The following STEAP1B variants were observed in gnomAD, a reference collection of about 807,000 sequenced individuals.
The protein encoded by STEAP1B is STEAP family protein MGC87042.
STEAP1B carries 13 observed loss-of-function variants against 27.9 expected under a neutral mutation model. The observed-to-expected ratio is 0.47, with a 90% CI of 0.30 to 0.74. The LOEUF (loss-of-function observed/expected upper bound fraction) is 0.74. Among genes scored for constraint, STEAP1B ranks in the 30% least tolerant of loss-of-function variants. The pLI is 0.06. For missense variants in STEAP1B, 250 were observed against 298.7 expected (o/e 0.84, Z 1.20); for synonymous variants, 86 against 107.1 (o/e 0.80, Z 1.22).
chr7:22,438,462 G>A, intron 4 of STEAP1B: 1 of 1,538,628 alleles, frequency 6.5e-7, no homozygotes, highest in South Asian at 1.2e-5. Context: ...TATGAGCAGG[G>A]AACAAGGTTC....
intron 4 of STEAP1B, among the ~76,000 whole-genome samples, chr7:22,433,435 C>T (rs1457607371): frequency 2.6e-5 from 1 of 38,300 alleles, no homozygotes. Flanking sequence ...AGCCACAGGA[C>T]ACCTTCCCCC....
At chr7:22,482,109 A>G (rs1332192344) in intron 4 of STEAP1B, among the ~76,000 whole-genome samples, 1 of 152,176 alleles carries the variant, frequency 6.6e-6, no homozygotes, top group Non-Finnish European at 1.5e-5. Flanking sequence ...TTGCAAGGGT[A>G]GCTGAGTACA....
intron 4 of STEAP1B, among the ~76,000 whole-genome samples, chr7:22,428,558 T>C (rs1185851771): frequency 6.6e-6 from 1 of 152,068 alleles, no homozygotes; most frequent in Non-Finnish European, 1.5e-5. Context: ...ATAAACCTAA[T>C]GTACCAAACG....
At chr7:22,472,317 A>C (rs1242997077) in intron 4 of STEAP1B, among the ~76,000 whole-genome samples, 1 of 152,140 alleles carries the variant, frequency 6.6e-6, no homozygotes, top group Non-Finnish European at 1.5e-5. Flanking sequence ...CAGCCTCCCG[A>C]GTCTGCACTT....
chr7:22,467,708 C>G (rs890018422), intron 4 of STEAP1B, among the ~76,000 whole-genome samples: 5 of 152,124 alleles, frequency 3.3e-5, no homozygotes, highest in African/African-American at 9.7e-5. Flanking sequence ...TGCCTTTTAC[C>G]TTCCGCCATG....
intron 4 of STEAP1B, among the ~76,000 whole-genome samples, chr7:22,455,180 G>C (rs1785559647): frequency 6.6e-6 from 1 of 152,038 alleles, no homozygotes; most frequent in Admixed American, 6.6e-5. Context: ...TATTTTAAAG[G>C]CTCACAGAGC....
At position 22,493,500 on chromosome 7, in the gene STEAP1B, C is replaced by T; in HGVS notation, c.421G>A (p.Val141Ile). ...LPGVIAAIVQVHNGTKYKKFP... is the reference protein window; with the variant it reads ...LPGVIAAIVQIHNGTKYKKFP... Reference sequence around the variant, plus strand: ...TTCTTATACTTGGTTCCATTATGAACTTGGACAATTGCTGCTATCACACCT... The same window carrying T: ...TTCTTATACTTGGTTCCATTATGAATTTGGACAATTGCTGCTATCACACCT... Residue 141 changes from valine (V) to isoleucine (I), a missense_variant, in exon 3 of 5, where the codon GTT (valine) becomes ATT (isoleucine). Coordinates refer to ENST00000678116, the MANE Select transcript of STEAP1B (RefSeq NM_001382447.1). 6.3e-7 allele frequency: 1 copy of T among 1,598,896 alleles called. No homozygotes were observed. The highest frequency in any genetic ancestry group is 1.7e-5 in the Admixed American group (1 of 59,722).
chr7:22,497,280 T>C (rs1417697491), intron 1 of STEAP1B, among the ~76,000 whole-genome samples: 1 of 152,234 alleles, frequency 6.6e-6, no homozygotes, highest in South Asian at 2.1e-4. Context: ...TAGCACAGTA[T>C]AAGCCTGCCA....
At chr7:22,454,827 T>TTATATATA (rs58507500) in intron 4 of STEAP1B, among the ~76,000 whole-genome samples, 2 of 88,756 alleles carry the variant, frequency 2.3e-5, no homozygotes, top group African/African-American at 7.8e-5. Context: ...AAAGAAAATA[T>TTATATATA]TATATATATA....
rs534681882 is a variant in STEAP1B at position 22,479,240 on chromosome 7, G to A, written c.762+13325C>T. Among the ~76,000 whole-genome samples the A allele has an allele frequency of 2.6e-5, 4 of 152,306 alleles. No individual in the cohort carries two copies. The South Asian group carries it at 6.2e-4, about 24-fold the overall frequency. ...ATAAACCAGGGTGGGGAATGGGGGAGAGGTAGATGGAAGAAACAAAAGGAG... is the reference window on the plus strand; with the variant it reads ...ATAAACCAGGGTGGGGAATGGGGGAAAGGTAGATGGAAGAAACAAAAGGAG... On this transcript the variant is annotated intron_variant, in intron 4 of 4. Transcript: ENST00000678116.
At chr7:22,433,000 C>T (rs139629426) in intron 4 of STEAP1B, among the ~76,000 whole-genome samples, 3 of 152,298 alleles carry the variant, frequency 2.0e-5, no homozygotes, top group African/African-American at 7.2e-5. Context: ...CTCTGCCGTT[C>T]CTGCCAGCAA....
At chr7:22,457,838 G>C (rs1785613116) in intron 4 of STEAP1B, among the ~76,000 whole-genome samples, 1 of 152,190 alleles carries the variant, frequency 6.6e-6, no homozygotes, top group Non-Finnish European at 1.5e-5. Flanking sequence ...TGATGACATG[G>C]TATTAGAAAA....
At chr7:22,434,211 G>C (rs1056318030) in intron 4 of STEAP1B, among the ~76,000 whole-genome samples, 3 of 152,190 alleles carry the variant, frequency 2.0e-5, no homozygotes, top group African/African-American at 7.2e-5. Flanking sequence ...GGCCCCTCCA[G>C]GGACAGGAAG....
At chr7:22,474,347 C>A (rs1406183908) in intron 4 of STEAP1B, among the ~76,000 whole-genome samples, 1 of 152,168 alleles carries the variant, frequency 6.6e-6, no homozygotes, top group Non-Finnish European at 1.5e-5. Context: ...TGGTACCTAC[C>A]TGCAGAGATT....
At chr7:22,423,204 T>C (rs1027295437) in intron 4 of STEAP1B, among the ~76,000 whole-genome samples, 2 of 152,206 alleles carry the variant, frequency 1.3e-5, no homozygotes, top group African/African-American at 4.8e-5. Flanking sequence ...TGGAAGATAA[T>C]TGGCTGTTTC....
At chr7:22,464,530 T>C (rs1156274194) in intron 4 of STEAP1B, among the ~76,000 whole-genome samples, 1 of 152,138 alleles carries the variant, frequency 6.6e-6, no homozygotes, top group Non-Finnish European at 1.5e-5. Context: ...CAAACTCCAG[T>C]ACCTCGGAAA....
In STEAP1B at chr7:22,482,183, C is replaced by T. The variant is rs544002138; in HGVS notation, c.762+10382G>A. Among the ~76,000 whole-genome samples the T allele has an allele frequency of 2.0e-5, 3 of 152,268 alleles. No individual in the cohort carries two copies. In the South Asian group the frequency reaches 6.2e-4, roughly 32 times the overall value. On this transcript the variant is annotated intron_variant, in intron 4 of 4. Transcript: ENST00000678116. The stretch of plus-strand genomic sequence containing the variant: ...TGGCTCGAACTGTCTTCCTTTCCTG[C>T]CCACCACCTCCCACTTTCTGAAAGG...
chr7:22,430,889 T>G (rs1785178855), intron 4 of STEAP1B, among the ~76,000 whole-genome samples: 1 of 152,242 alleles, frequency 6.6e-6, no homozygotes, highest in Non-Finnish European at 1.5e-5. Flanking sequence ...CATGGAACCC[T>G]TGGCTCTATG....
intron 4 of STEAP1B, among the ~76,000 whole-genome samples, chr7:22,440,688 G>C (rs1785320300): frequency 6.6e-6 from 1 of 152,050 alleles, no homozygotes; most frequent in Non-Finnish European, 1.5e-5. Flanking sequence ...TAATATGGCA[G>C]ACAGTTTTAT....
Sources: allele counts gnomAD v4.1 joint callset (sites outside exome capture counted in the v4.1 genomes callset), GRCh38; gene constraint gnomAD v4.1.1; transcripts MANE v1.5; gene names NCBI Gene and HGNC (gene_info 2026-07-23, HGNC 2026-07-21).